Variants in SEMA6D observed in about 807,000 individuals in gnomAD.
The protein encoded by SEMA6D is semaphorin-6D.
SEMA6D carries 35 observed loss-of-function variants against 106.6 expected under a neutral mutation model. The ratio of observed to expected loss-of-function variants is 0.33; its 90% CI spans 0.25 to 0.44. SEMA6D has a LOEUF of 0.44. Among genes scored for constraint, SEMA6D ranks in the 20% least tolerant of loss-of-function variants. The pLI, the probability that SEMA6D is intolerant of heterozygous loss-of-function variation, is 1.00. For missense variants in SEMA6D, 1,185 were observed against 1,345.9 expected, an observed-to-expected ratio of 0.88 and a Z score of 1.87; for synonymous variants, 499 against 487.7, an observed-to-expected ratio of 1.02 and a Z score of -0.31.
intron 3 of SEMA6D, among the ~76,000 whole-genome samples, chr15:47,594,467 A>G (rs2076499185): frequency 6.6e-6 from 1 of 152,230 alleles, no homozygotes; most frequent in South Asian, 2.1e-4. Flanking sequence ...TAGGTAGTTC[A>G]TGACAATCAT....
At chr15:47,257,818 A>G (rs2033886246) in intron 1 of SEMA6D, among the ~76,000 whole-genome samples, 1 of 152,078 alleles carries the variant, frequency 6.6e-6, no homozygotes, top group Non-Finnish European at 1.5e-5. Flanking sequence ...TGTGTTCTTC[A>G]GATCATCTGA....
rs1555438670 is a variant in SEMA6D at position 47,432,562 on chromosome 15, C to CACCTATAT, written c.-159+20090_-159+20091insACCTATAT. On this transcript the variant is annotated intron_variant, in intron 2 of 19. Coordinates refer to the SEMA6D transcript ENST00000558014. ...TATGTGTTATGTGTATATACATATA[C>CACCTATAT]GCATATGTATATACATATACAGCTA... Among the ~76,000 whole-genome samples, 307 of 43,324 alleles carry CACCTATAT rather than the reference C, an allele frequency of 7.1e-3. 1 individual carries two copies. Among genetic ancestry groups the CACCTATAT allele is most frequent in the African/African-American group, 0.021 (293 of 13,730 alleles). The allele number at this position is 43,324 out of a possible 152,430, so 28.4% of individuals were successfully genotyped here. A position where few individuals can be genotyped will look rare whatever the true frequency, so the allele number is the denominator to read the frequency against.
At chr15:47,518,778 G>A (rs776813365) in intron 3 of SEMA6D, among the ~76,000 whole-genome samples, 2 of 152,122 alleles carry the variant, frequency 1.3e-5, no homozygotes, top group Non-Finnish European at 2.9e-5. Flanking sequence ...TCCTTATCTT[G>A]TCCCACTGGA....
intron 1 of SEMA6D, among the ~76,000 whole-genome samples, chr15:47,363,685 A>G (rs1180497212): frequency 6.6e-6 from 1 of 152,184 alleles, no homozygotes; most frequent in Admixed American, 6.5e-5. Context: ...TACAGACAGC[A>G]TACAGTCAGG....
At position 47,763,989 on chromosome 15, in the gene SEMA6D, T is replaced by G. The variant is rs369125941; in HGVS notation, c.887T>G (p.Val296Gly). 1.2e-6 allele frequency: 2 copies of G among 1,613,996 alleles called. No homozygotes were observed. The highest frequency in any genetic ancestry group is 1.7e-6 in the Non-Finnish European group (2 of 1,179,884). The stretch of plus-strand genomic sequence containing the variant: ...GGAGATTCGTTTTTCTACTTTGATG[T>G]TCTGCAGTCTATTACAGACATAATA... Reference protein sequence around the residue: ...VPGDSFFYFDVLQSITDIIQI... With the variant: ...VPGDSFFYFDGLQSITDIIQI... Residue 296 changes from valine (V) to glycine (G), a missense_variant, in exon 10 of 19, where the codon GTT (valine) becomes GGT (glycine). By Grantham distance (109) the Val-to-Gly change is moderately radical. Coordinates refer to ENST00000536845, the MANE Select transcript of SEMA6D (RefSeq NM_001358351.3).
chr15:47,564,071 A>G (rs559299958), intron 3 of SEMA6D, among the ~76,000 whole-genome samples: 6 of 152,366 alleles, frequency 3.9e-5, no homozygotes, highest in East Asian at 1.9e-4. Flanking sequence ...CCCTACGTCA[A>G]TGACATTTCC....
In SEMA6D at chr15:47,365,205, G is replaced by A. The variant is rs529670492; in HGVS notation, c.-238-47188G>A. Among the ~76,000 whole-genome samples the A allele has an allele frequency of 3.3e-5, 5 of 152,270 alleles. No homozygotes were observed. The South Asian group carries it at 8.3e-4, about 25-fold the overall frequency. On this transcript the variant is annotated intron_variant, in intron 1 of 19. Transcript: ENST00000558014. Reference sequence around the variant, plus strand: ...TCAGGCCTTAAGATGACAGCCTGGCGAGGCAAGGTTAAAACTGGAAAGCCA... The same window carrying A: ...TCAGGCCTTAAGATGACAGCCTGGCAAGGCAAGGTTAAAACTGGAAAGCCA...
intron 1 of SEMA6D, among the ~76,000 whole-genome samples, chr15:47,399,774 A>G (rs1191930846): frequency 6.6e-6 from 1 of 152,200 alleles, no homozygotes; most frequent in African/African-American, 2.4e-5. Flanking sequence ...ATTAAAGTGG[A>G]CTTGTGTGAG....
intron 2 of SEMA6D, among the ~76,000 whole-genome samples, chr15:47,425,304 A>G (rs2041294482): frequency 6.6e-6 from 1 of 152,042 alleles, no homozygotes; most frequent in Non-Finnish European, 1.5e-5. Flanking sequence ...GTGATCCCCT[A>G]TCTGCAGTTG....
intron 1 of SEMA6D, among the ~76,000 whole-genome samples, chr15:47,744,494 C>T (rs982537830): frequency 6.6e-5 from 10 of 152,142 alleles, no homozygotes; most frequent in African/African-American, 2.4e-4. Flanking sequence ...TGTGGGACCA[C>T]CTCACCCCTG....
chr15:47,572,024 T>A (rs1362267060), intron 3 of SEMA6D, among the ~76,000 whole-genome samples: 1 of 152,226 alleles, frequency 6.6e-6, no homozygotes, highest in Non-Finnish European at 1.5e-5. Flanking sequence ...TCACACATTG[T>A]CATAGGTTCA....
chr15:47,331,267 G>A (rs1385342621), intron 1 of SEMA6D, among the ~76,000 whole-genome samples: 1 of 152,078 alleles, frequency 6.6e-6, no homozygotes, highest in African/African-American at 2.4e-5. Context: ...CCTGATCAAC[G>A]ATCATATATT....
intron 1 of SEMA6D, among the ~76,000 whole-genome samples, chr15:47,229,325 T>G (rs1419376033): frequency 6.6e-6 from 1 of 152,094 alleles, no homozygotes; most frequent in Admixed American, 6.6e-5. Flanking sequence ...TTTCTTTGTC[T>G]TAGTGGCTCA....
chr15:47,734,369 A>G (rs1346871967), intron 1 of SEMA6D, among the ~76,000 whole-genome samples: 2 of 152,172 alleles, frequency 1.3e-5, no homozygotes, highest in African/African-American at 4.8e-5. Context: ...TTTCCTGGGT[A>G]TGTGACCTGG....
intron 2 of SEMA6D, among the ~76,000 whole-genome samples, chr15:47,436,768 A>T (rs628981): frequency 2.4e-3 from 306 of 125,382 alleles, no homozygotes; most frequent in Middle Eastern, 8.5e-3. Flanking sequence ...TAAAAAAAAA[A>T]ATATATATAT....
chr15:47,590,697 G>T (rs2076422850), intron 3 of SEMA6D, among the ~76,000 whole-genome samples: 1 of 152,064 alleles, frequency 6.6e-6, no homozygotes, highest in South Asian at 2.1e-4. Flanking sequence ...GCCATGTGAT[G>T]ACAGAGGCAG....
intron 4 of SEMA6D, among the ~76,000 whole-genome samples, chr15:47,620,652 G>A (rs2077080988): frequency 6.6e-6 from 1 of 151,742 alleles, no homozygotes; most frequent in Admixed American, 6.6e-5. Context: ...CAGTAAATTA[G>A]GAAGTGGTCG....
rs892186861 is a variant in SEMA6D, at chr15:47,461,613, T to C, written c.-158-8861T>C. On this transcript the variant is annotated intron_variant, in intron 2 of 19. Transcript: ENST00000558014. ...ATAATGCCCATAGCAATTTTTTAAA[T>C]TGGTAAAGTGAGGTGTATAGGATGT... Among the ~76,000 whole-genome samples the C allele has an allele frequency of 4.7e-4, 72 of 152,060 alleles. 1 individual carries two copies. Among genetic ancestry groups the C allele is most frequent in the Admixed American group, 6.6e-4 (10 of 15,264 alleles).
intron 4 of SEMA6D, among the ~76,000 whole-genome samples, chr15:47,678,150 A>C (rs2078281791): frequency 6.6e-6 from 1 of 152,196 alleles, no homozygotes; most frequent in South Asian, 2.1e-4. Flanking sequence ...ATAGAAAATT[A>C]GAGTTGAAGG....
Sources: allele counts gnomAD v4.1 joint callset (sites outside exome capture counted in the v4.1 genomes callset), GRCh38; gene constraint gnomAD v4.1.1; transcripts MANE v1.5; gene names NCBI Gene and HGNC (gene_info 2026-07-23, HGNC 2026-07-21).